The following PRAG1 variants were observed in gnomAD, a reference collection of about 807,000 sequenced individuals.
PRAG1 encodes the protein PEAK1 related, kinase-activating pseudokinase 1.
Under a neutral mutation model 95.6 loss-of-function variants are expected in PRAG1, and 110 were observed. The observed-to-expected ratio is 1.15, with a 90% CI of 0.99 to 1.35. The LOEUF (loss-of-function observed/expected upper bound fraction) is 1.35. Ranked by LOEUF, PRAG1 falls within the 40% of genes most tolerant of loss-of-function variation. The pLI is 0.00. For synonymous variants in PRAG1, 1,052 were observed against 819.4 expected (o/e 1.28, Z -4.85); for missense variants, 2,554 against 1,864.7 (o/e 1.37, Z -6.81).
intron 3 of PRAG1, among the ~76,000 whole-genome samples, chr8:8,362,315 G>C (rs1799869189): frequency 6.6e-6 from 1 of 152,214 alleles, no homozygotes; most frequent in African/African-American, 2.4e-5. Flanking sequence ...CATGGCTTGA[G>C]ACCATTCACA....
At position 8,366,030 on chromosome 8, in the gene PRAG1, C is replaced by G. The variant is rs925754983; in HGVS notation, c.2162+10217G>C. 2.0e-5 allele frequency among the ~76,000 whole-genome samples: 3 copies of G among 151,740 alleles called. No individual in the cohort carries two copies. The East Asian group carries it at 5.8e-4, about 29-fold the overall frequency. The stretch of plus-strand genomic sequence containing the variant: ...AATAAGGCTAAGTGAAAACACATTG[C>G]TTAATAAGATTTAAGGATAGAAACA... On this transcript the variant is annotated intron_variant, in intron 3 of 5. Transcript: ENST00000615670.
In PRAG1 at chr8:8,328,222, T is replaced by C; in HGVS notation, c.2560A>G (p.Thr854Ala). 6.2e-7 allele frequency: 1 copy of C among 1,614,208 alleles called. No homozygotes were observed. The highest frequency in any genetic ancestry group is 8.5e-7 in the Non-Finnish European group (1 of 1,180,032). Reference protein sequence around the residue: ...SPKLNLSHSETNVHDESHFSY... With the variant: ...SPKLNLSHSEANVHDESHFSY... Reference sequence around the variant, plus strand: ...AAGTGAGATTCGTCGTGGACGTTGGTTTCCGAGTGGCTTAGGTTCAGCTTG... The same window carrying C: ...AAGTGAGATTCGTCGTGGACGTTGGCTTCCGAGTGGCTTAGGTTCAGCTTG... The change falls in exon 5 of 6, where the codon ACC becomes GCC. Residue 854 changes from threonine to alanine, a missense_variant. Physicochemically the swap from Thr to Ala is moderately conservative, Grantham distance 58. Transcript: ENST00000615670.
intron 3 of PRAG1, among the ~76,000 whole-genome samples, chr8:8,356,567 C>A (rs899688722): frequency 5.3e-5 from 8 of 152,004 alleles, no homozygotes; most frequent in Non-Finnish European, 1.2e-4. Flanking sequence ...AGACTGGGCT[C>A]GAACTCCTGG....
chr8:8,333,328 G>C (rs1179231467), intron 4 of PRAG1, among the ~76,000 whole-genome samples: 2 of 152,160 alleles, frequency 1.3e-5, no homozygotes, highest in Non-Finnish European at 2.9e-5. Flanking sequence ...GAAGTTCCTG[G>C]CTATAGAGTA....
At chr8:8,378,128 A>AAAAAGAGAGAGAGG (rs1800497973) in intron 2 of PRAG1, 50 bp from the exon 3 acceptor site, 1 of 1,499,832 alleles carries the variant, frequency 6.7e-7, no homozygotes, top group Admixed American at 2.3e-5. Context: ...TTGTCATAGA[A>AAAAAGAGAGAGAGG]AAAAGAGAGA....
At chr8:8,349,169 A>C (rs1799439015) in intron 3 of PRAG1, among the ~76,000 whole-genome samples, 1 of 152,252 alleles carries the variant, frequency 6.6e-6, no homozygotes, top group South Asian at 2.1e-4. Context: ...CTGAATTTTC[A>C]CAAATCTTGT....
At position 8,373,556 on chromosome 8, in the gene PRAG1, C is replaced by G. The variant is rs575077849; in HGVS notation, c.2162+2691G>C. ...CCTCCACTTTCTGGGCTCAAGCCATCCTCCCACCTCAGCCCCCAGAGAAGC... is the reference window on the plus strand; with the variant it reads ...CCTCCACTTTCTGGGCTCAAGCCATGCTCCCACCTCAGCCCCCAGAGAAGC... On this transcript the variant is annotated intron_variant, in intron 3 of 5. Transcript: ENST00000615670. 1.7e-4 allele frequency among the ~76,000 whole-genome samples: 26 copies of G among 151,232 alleles called. No homozygotes were observed. In the East Asian group the frequency reaches 4.9e-3, roughly 28 times the overall value.
chr8:8,376,005 T>C (rs1267817222), intron 3 of PRAG1, among the ~76,000 whole-genome samples: 2 of 152,180 alleles, frequency 1.3e-5, no homozygotes, highest in Non-Finnish European at 2.9e-5. Context: ...TGGTGAAAGA[T>C]TGATTTTAAA....
rs1434799953 is a variant in PRAG1, at chr8:8,319,209, C to A, written c.3166G>T (p.Ala1056Ser). ...CTGAGCATGCTGGACGGCACCGAGG[C>A]GACGAAGTGGCCGCAGTCCTGCTGG... ...NIQQDCGHFVASVPSSMLSSP... is the reference protein window; with the variant it reads ...NIQQDCGHFVSSVPSSMLSSP... Residue 1056 changes from alanine to serine, a missense_variant, in exon 6 of 6, where the codon GCC (alanine) becomes TCC (serine). Physicochemically the swap from Ala to Ser is moderately conservative, Grantham distance 99. Transcript: ENST00000615670. 6.3e-7 allele frequency: 1 copy of A among 1,585,198 alleles called. No homozygotes were observed. The highest frequency in any genetic ancestry group is 1.7e-5 in the Admixed American group (1 of 57,982).
At chr8:8,353,204 A>C (rs927727769) in intron 3 of PRAG1, among the ~76,000 whole-genome samples, 1 of 152,250 alleles carries the variant, frequency 6.6e-6, no homozygotes, top group Non-Finnish European at 1.5e-5. Flanking sequence ...ATTAAGCTTT[A>C]GACCAAATGG....
intron 1 of PRAG1, among the ~76,000 whole-genome samples, chr8:8,382,272 A>G (rs1800704217): frequency 6.6e-6 from 1 of 152,192 alleles, no homozygotes; most frequent in Admixed American, 6.5e-5. Context: ...ACAGCAAATA[A>G]AAACAATGGC....
chr8:8,375,489 C>T (rs1253842739), intron 3 of PRAG1, among the ~76,000 whole-genome samples: 1 of 152,106 alleles, frequency 6.6e-6, no homozygotes, highest in African/African-American at 2.4e-5. Flanking sequence ...CGTGAGCCAC[C>T]ACGCCCAGCC....
chr8:8,361,963 A>C (rs1233511030), intron 3 of PRAG1, among the ~76,000 whole-genome samples: 1 of 152,196 alleles, frequency 6.6e-6, no homozygotes, highest in African/African-American at 2.4e-5. Flanking sequence ...TCCCATACTG[A>C]ATGCTGGGTA....
intron 1 of PRAG1, among the ~76,000 whole-genome samples, chr8:8,385,856 C>T (rs1800829133): frequency 1.3e-5 from 2 of 152,128 alleles, no homozygotes; most frequent in South Asian, 2.1e-4. Context: ...TCTGGAGCCC[C>T]GCTGCTGCAT....
chr8:8,338,939 G>A lies in PRAG1; in HGVS notation c.2320+539C>T, dbSNP rs181921373. Among the ~76,000 whole-genome samples the A allele has an allele frequency of 4.0e-4, 61 of 152,326 alleles. 1 individual carries two copies. In the South Asian group the frequency reaches 5.2e-3, roughly 13 times the overall value. Reference sequence around the variant, plus strand: ...GAGTTCCTTTTTAGGGACATGCCCAGTGGAGGACAGACCCACCCATAGGCC... The same window carrying A: ...GAGTTCCTTTTTAGGGACATGCCCAATGGAGGACAGACCCACCCATAGGCC... On this transcript the variant is annotated intron_variant, in intron 4 of 5. Transcript: ENST00000615670.
intron 4 of PRAG1, among the ~76,000 whole-genome samples, chr8:8,332,533 G>T (rs1226725093): frequency 1.3e-5 from 2 of 152,006 alleles, no homozygotes; most frequent in East Asian, 1.9e-4. Context: ...CCAACCTAAC[G>T]CATTCTTCCT....
intron 1 of PRAG1, among the ~76,000 whole-genome samples, chr8:8,384,130 G>A (rs1043544684): frequency 1.3e-5 from 2 of 152,172 alleles, no homozygotes; most frequent in African/African-American, 4.8e-5. Flanking sequence ...TATCTGAGGA[G>A]GTGGGTGCCC....
At chr8:8,357,068 C>T (rs954850680) in intron 3 of PRAG1, among the ~76,000 whole-genome samples, 2 of 152,038 alleles carry the variant, frequency 1.3e-5, no homozygotes, top group Non-Finnish European at 2.9e-5. Context: ...AGACCTAAAA[C>T]TATAAAATTC....
At chr8:8,385,448 A>G (rs1800815934) in intron 1 of PRAG1, among the ~76,000 whole-genome samples, 1 of 152,194 alleles carries the variant, frequency 6.6e-6, no homozygotes, top group African/African-American at 2.4e-5. Context: ...CAGGAGAGAA[A>G]AATAACTGCG....
Sources: allele counts gnomAD v4.1 joint callset (sites outside exome capture counted in the v4.1 genomes callset), GRCh38; gene constraint gnomAD v4.1.1; transcripts MANE v1.5; gene names NCBI Gene and HGNC (gene_info 2026-07-23, HGNC 2026-07-21).